The following TSKS variants were observed in gnomAD, a reference collection of about 807,000 sequenced individuals.
The protein encoded by TSKS is testis-specific serine kinase substrate.
Under a neutral mutation model 68.0 loss-of-function variants are expected in TSKS, and 27 were observed. The ratio of observed to expected loss-of-function variants is 0.40; its 90% CI spans 0.29 to 0.55. The LOEUF (loss-of-function observed/expected upper bound fraction) is 0.55. Ranked by LOEUF, TSKS falls within the 20% of genes least tolerant of loss-of-function variation. The probability of loss-of-function intolerance (pLI) is 0.53; values close to 1 mark genes in which losing one functional copy is unlikely to be tolerated. For missense variants in TSKS, 806 were observed against 776.0 expected, an observed-to-expected ratio of 1.04 and a Z score of -0.46; for synonymous variants, 331 against 340.4, an observed-to-expected ratio of 0.97 and a Z score of 0.30.
chr19:49,747,160 C>G, intron 5 of TSKS: 3 of 1,536,194 alleles, frequency 2.0e-6, no homozygotes, highest in Non-Finnish European at 2.6e-6. Flanking sequence ...AAGTCCAGCT[C>G]GATTCTCTTT....
intron 2 of TSKS, among the ~76,000 whole-genome samples, chr19:49,761,321 G>T (rs1300473134): frequency 6.6e-6 from 1 of 152,076 alleles, no homozygotes; most frequent in Non-Finnish European, 1.5e-5. Context: ...GGTGCAGTGA[G>T]TTAAAGGACC....
rs776969856 is a variant in TSKS at position 49,746,540 on chromosome 19, G to C, written c.922C>G (p.Arg308Gly). ...CTCACGTAGGGGCCCTCGCCAGCCC[G>C]AGGCCCCATTCCCCAGCCTGCGGGG... ...LVPAGWGMGP[R>G]AGEGPYVSEQ... The change falls in exon 6 of 11, where the codon CGG (arginine) becomes GGG (glycine). Residue 308 changes from arginine (R) to glycine (G), a missense_variant. By Grantham distance (125) the Arg-to-Gly change is moderately radical. Coordinates refer to ENST00000246801, the MANE Select transcript of TSKS (RefSeq NM_021733.2). 15 of 1,613,528 alleles carry C rather than the reference G, an allele frequency of 9.3e-6. No homozygotes were observed. The highest frequency in any genetic ancestry group is 1.3e-5 in the Non-Finnish European group (15 of 1,179,924).
intron 2 of TSKS, among the ~76,000 whole-genome samples, chr19:49,758,048 C>T (rs1183302074): frequency 2.6e-5 from 4 of 151,620 alleles, no homozygotes; most frequent in African/African-American, 9.7e-5. Flanking sequence ...GTGCCCCCCT[C>T]TGTCTCTGGG....
intron 4 of TSKS, 149 bp downstream of exon 4, chr19:49,747,936 T>G: frequency 5.5e-6 from 4 of 728,878 alleles, no homozygotes; most frequent in Non-Finnish European, 9.6e-6. Context: ...CTCAAACTCC[T>G]GACCTCAGGT....
chr19:49,762,970 G>T, intron 1 of TSKS, 108 bp downstream of exon 1: 1 of 1,409,230 alleles, frequency 7.1e-7, no homozygotes, highest in Non-Finnish European at 9.5e-7. Flanking sequence ...CCCCCGACCT[G>T]CTGGCTTTTC....
Position 49,747,960 on chromosome 19 carries a change from C to T in TSKS, c.579+125G>A, listed in dbSNP as rs143685714. ...CTGACCTCAGGTGATCTGCCTGCCT[C>T]GGCCTCCCAAAGTGCTGGGATTACA... On this transcript the variant is annotated intron_variant, in intron 4 of 10. Coordinates refer to ENST00000246801, the MANE Select transcript of TSKS (RefSeq NM_021733.2). The T allele has an allele frequency of 3.6e-3, 3,201 of 878,726 alleles. 60 individuals carry two copies. In the African/African-American group the frequency reaches 0.042, roughly 12 times the overall value. The allele number at this position is 878,726 out of a possible 1,614,324, so 54.4% of individuals were successfully genotyped here.
chr19:49,749,520 C>A (rs556008729), intron 2 of TSKS, among the ~76,000 whole-genome samples: 1 of 152,290 alleles, frequency 6.6e-6, no homozygotes, highest in Non-Finnish European at 1.5e-5. Context: ...ACTGCCCAAC[C>A]AGAGACTACA....
intron 4 of TSKS, 57 bp downstream of exon 4, chr19:49,748,028 C>T: frequency 6.5e-7 from 1 of 1,541,788 alleles, no homozygotes; most frequent in African/African-American, 1.4e-5. Context: ...CTTTCTCCCA[C>T]CCTCTTCTTA....
chr19:49,758,448 G>C (rs1203255071), intron 2 of TSKS, among the ~76,000 whole-genome samples: 1 of 152,192 alleles, frequency 6.6e-6, no homozygotes, highest in African/African-American at 2.4e-5. Flanking sequence ...TGGCTGCCTG[G>C]GGTACTTTCT....
At chr19:49,742,071 C>T (rs373855637) in intron 8 of TSKS, 51 bp from the exon 9 acceptor site, 132 of 1,599,550 alleles carry the variant, frequency 8.3e-5, no homozygotes, top group Non-Finnish European at 9.4e-5. Context: ...AACTCCAGGA[C>T]GCCCCATGCC....
intron 4 of TSKS, 150 bp from the exon 5 acceptor site, chr19:49,747,622 G>C (rs1486692245): frequency 1.1e-5 from 8 of 732,546 alleles, no homozygotes; most frequent in Middle Eastern, 2.6e-4. Flanking sequence ...TAAGGGGATG[G>C]CTTCCTCCTT....
rs764884345 is a variant in TSKS, at chr19:49,761,993, AG to A, written c.399+10del. 6.2e-7 allele frequency: 1 copy of A among 1,602,378 alleles called. No homozygotes were observed. Among genetic ancestry groups the A allele is most frequent in the Non-Finnish European group, 8.5e-7 (1 of 1,170,664 alleles). On this transcript the variant is annotated intron_variant, in intron 2 of 10. Coordinates refer to ENST00000246801, the MANE Select transcript of TSKS (RefSeq NM_021733.2). Reference sequence around the variant, plus strand: ...CGGTCCTCCCCAGCGGGTGGTGTGGAGGGCCCTCACCAGGATTTCCGTGATG... The same window carrying A: ...CGGTCCTCCCCAGCGGGTGGTGTGGAGGCCCTCACCAGGATTTCCGTGATG...
chr19:49,753,651 G>A (rs1015097347), intron 2 of TSKS, among the ~76,000 whole-genome samples: 2 of 149,858 alleles, frequency 1.3e-5, no homozygotes, highest in African/African-American at 4.9e-5. Flanking sequence ...TACTCAGAAG[G>A]CTGAGGCAGG....
At chr19:49,759,647 CA>C (rs58074826) in intron 2 of TSKS, among the ~76,000 whole-genome samples, 89 of 112,614 alleles carry the variant, frequency 7.9e-4, no homozygotes, top group Middle Eastern at 4.7e-3. Context: ...GACCCAGTCT[CA>C]AAAAAAAAAA....
At position 49,746,680 on chromosome 19, in the gene TSKS, T is replaced by C; in HGVS notation, c.782A>G (p.Lys261Arg). Residue 261 changes from lysine (K) to arginine (R), a missense_variant, in exon 6 of 11, where the codon AAG becomes AGG. Lys to Arg is a conservative substitution (Grantham distance 26). Transcript: ENST00000246801. ...EPEEKQEPEE[K>R]QKPEAGLSWN... is the part of the protein sequence containing the mutation. ...GGAGAGGCCAGCCTCCGGCTTCTGCTTCTCCTCCGGCTCCTGCTTCTCCTC... is the reference window on the plus strand; with the variant it reads ...GGAGAGGCCAGCCTCCGGCTTCTGCCTCTCCTCCGGCTCCTGCTTCTCCTC... The C allele has an allele frequency of 7.7e-7, 1 of 1,296,796 alleles. No individual in the cohort carries two copies. The highest frequency in any genetic ancestry group is 1.0e-6 in the Non-Finnish European group (1 of 967,994). 80.3% of individuals were successfully genotyped at this position (1,296,796 alleles called of 1,614,324 possible). A position where few individuals can be genotyped will look rare whatever the true frequency, so the allele number is the denominator to read the frequency against.
chr19:49,740,353 T>G (rs1183013848), intron 9 of TSKS, 170 bp from the exon 10 acceptor site: 14 of 748,744 alleles, frequency 1.9e-5, no homozygotes, highest in Non-Finnish European at 2.5e-5. Flanking sequence ...CACAATGCAC[T>G]GGTCTCCAGA....
At chr19:49,754,044 C>G (rs1436365091) in intron 2 of TSKS, among the ~76,000 whole-genome samples, 1 of 150,368 alleles carries the variant, frequency 6.7e-6, no homozygotes, top group Non-Finnish European at 1.5e-5. Context: ...GCCACCACGC[C>G]TGGCTAATTT....
intron 9 of TSKS, chr19:49,740,454 G>A (rs922391205): frequency 1.3e-5 from 6 of 448,462 alleles, no homozygotes; most frequent in African/African-American, 7.9e-5. Context: ...AGTGCCTATC[G>A]TCTGTCTCCT....
Position 49,746,696 on chromosome 19 carries a change from G to A in TSKS, c.766C>T (p.Gln256Ter). The A allele has an allele frequency of 6.2e-7, 1 of 1,601,472 alleles. No individual in the cohort carries two copies. Among genetic ancestry groups the A allele is most frequent in the Non-Finnish European group, 8.5e-7 (1 of 1,177,498 alleles). The part of the protein sequence containing the change: ...PEEKQEPEEK[Q>*]EPEEKQKPEA... Reference sequence around the variant, plus strand: ...GGCTTCTGCTTCTCCTCCGGCTCCTGCTTCTCCTCCGGCTCCTGCTTCTCC... The same window carrying A: ...GGCTTCTGCTTCTCCTCCGGCTCCTACTTCTCCTCCGGCTCCTGCTTCTCC... Residue 256 changes from glutamine (Q) to a stop codon, truncating the protein, a stop_gained, in exon 6 of 11, where the codon CAG becomes TAG. Transcript: ENST00000246801. LOFTEE classifies it high-confidence loss of function.
Sources: gnomAD v4.1 joint callset for allele counts (sites outside exome capture counted in the v4.1 genomes callset) on GRCh38, gnomAD v4.1.1 for gene constraint, MANE v1.5 for transcripts, NCBI Gene and HGNC (gene_info 2026-07-23, HGNC 2026-07-21) for gene names.